HS6ST3: variants seen among roughly 807,000 people sequenced by gnomAD.
HS6ST3 encodes the protein heparan sulfate 6-O-sulfotransferase 3.
Under a neutral mutation model 36.7 loss-of-function variants are expected in HS6ST3, and 12 were observed. The ratio of observed to expected loss-of-function variants is 0.33; its 90% confidence interval spans 0.21 to 0.53. The LOEUF is 0.53. Ranked by LOEUF, HS6ST3 falls within the 20% of genes least tolerant of loss-of-function variation. The probability of loss-of-function intolerance (pLI) is 0.95; values close to 1 mark genes in which losing one functional copy is unlikely to be tolerated. For missense variants in HS6ST3, 584 were observed against 640.9 expected (o/e 0.91, Z 0.96); for synonymous variants, 240 against 257.5 (o/e 0.93, Z 0.65).
intron 1 of HS6ST3, among the ~76,000 whole-genome samples, chr13:96,528,591 A>C (rs2056123792): frequency 6.6e-6 from 1 of 152,338 alleles, no homozygotes; most frequent in African/African-American, 2.4e-5. Context: ...AATATCAAAA[A>C]TCATCTCTGG....
chr13:96,462,438 A>AC (rs1214209896), intron 1 of HS6ST3, among the ~76,000 whole-genome samples: 16 of 152,234 alleles, frequency 1.1e-4, no homozygotes, highest in African/African-American at 3.9e-4. Flanking sequence ...TGACTTGAAT[A>AC]ATTTGTGGCG....
chr13:96,323,439 C>T (rs1289688085), intron 1 of HS6ST3, among the ~76,000 whole-genome samples: 1 of 152,210 alleles, frequency 6.6e-6, no homozygotes, highest in African/African-American at 2.4e-5. Context: ...GCCACCTTCA[C>T]CACTACCCAC....
chr13:96,471,927 C>CT (rs1402802992), intron 1 of HS6ST3, among the ~76,000 whole-genome samples: 1 of 152,252 alleles, frequency 6.6e-6, no homozygotes, highest in East Asian at 1.9e-4. Context: ...CTCATTTTGG[C>CT]TGAGGTTGGT....
intron 1 of HS6ST3, among the ~76,000 whole-genome samples, chr13:96,153,379 C>T (rs1017255318): frequency 8.5e-5 from 13 of 152,182 alleles, no homozygotes; most frequent in South Asian, 4.2e-4. Context: ...CTGTGCAATG[C>T]GGGGGTATTT....
chr13:96,812,956 C>T (rs565758048), intron 1 of HS6ST3, among the ~76,000 whole-genome samples: 1 of 152,122 alleles, frequency 6.6e-6, no homozygotes, highest in Admixed American at 6.5e-5. Flanking sequence ...ATCATGAGAG[C>T]GTCTGAGGAC....
At chr13:96,140,604 G>T in intron 1 of HS6ST3, among the ~76,000 whole-genome samples, 1 of 152,178 alleles carries the variant, frequency 6.6e-6, no homozygotes, top group Non-Finnish European at 1.5e-5. Context: ...GAGGTCTGCA[G>T]ATATGGTTTC....
At chr13:96,382,733 A>G (rs1364827496) in intron 1 of HS6ST3, among the ~76,000 whole-genome samples, 1 of 152,190 alleles carries the variant, frequency 6.6e-6, no homozygotes, top group African/African-American at 2.4e-5. Flanking sequence ...ATACCAGTTA[A>G]TATTTCTCAC....
chr13:96,621,160 T>A (rs1370713739), intron 1 of HS6ST3, among the ~76,000 whole-genome samples: 1 of 152,208 alleles, frequency 6.6e-6, no homozygotes. Context: ...CTGTGACTCT[T>A]GTTCCATGTT....
At chr13:96,506,362 GA>G (rs2056026524) in intron 1 of HS6ST3, among the ~76,000 whole-genome samples, 1 of 152,070 alleles carries the variant, frequency 6.6e-6, no homozygotes, top group South Asian at 2.1e-4. Flanking sequence ...AATGAGTACT[GA>G]TTTTCAAAAA....
chr13:96,389,262 C>T (rs1383473030), intron 1 of HS6ST3, among the ~76,000 whole-genome samples: 1 of 151,806 alleles, frequency 6.6e-6, no homozygotes, highest in African/African-American at 2.4e-5. Context: ...TTTAGCTGTT[C>T]TTGTCATAAA....
intron 1 of HS6ST3, among the ~76,000 whole-genome samples, chr13:96,678,772 T>A (rs989794421): frequency 3.9e-5 from 6 of 152,074 alleles, no homozygotes; most frequent in African/African-American, 1.4e-4. Context: ...AATATAGAGT[T>A]GCTTAGATAT....
Position 96,244,352 on chromosome 13 carries a change from G to A in HS6ST3, c.707+152783G>A, listed in dbSNP as rs189607320. ...GACTTTATGCTAAAGTAAACATATC[G>A]CATCAAAACCAGTATTATAATTGAA... On this transcript the variant is annotated intron_variant, in intron 1 of 1. Coordinates refer to ENST00000376705, the MANE Select transcript of HS6ST3 (RefSeq NM_153456.4). Among the ~76,000 whole-genome samples the A allele has an allele frequency of 3.3e-5, 5 of 152,168 alleles. No homozygotes were observed. The East Asian group carries it at 7.7e-4, about 23-fold the overall frequency.
intron 1 of HS6ST3, among the ~76,000 whole-genome samples, chr13:96,524,323 C>T (rs1320929121): frequency 6.6e-6 from 1 of 152,168 alleles, no homozygotes; most frequent in East Asian, 1.9e-4. Context: ...GTCAGGGACC[C>T]ACTTGAGGAG....
intron 1 of HS6ST3, among the ~76,000 whole-genome samples, chr13:96,364,391 C>T (rs1241254491): frequency 6.6e-6 from 1 of 152,098 alleles, no homozygotes; most frequent in Non-Finnish European, 1.5e-5. Flanking sequence ...TATGGCATAG[C>T]ATATATCTAC....
At chr13:96,463,612 C>A (rs2055796235) in intron 1 of HS6ST3, among the ~76,000 whole-genome samples, 1 of 151,996 alleles carries the variant, frequency 6.6e-6, no homozygotes, top group South Asian at 2.1e-4. Flanking sequence ...TTTAACTTGA[C>A]CATATTAAAA....
chr13:96,111,011 A>T (rs1412045342), intron 1 of HS6ST3, among the ~76,000 whole-genome samples: 1 of 152,222 alleles, frequency 6.6e-6, no homozygotes, highest in African/African-American at 2.4e-5. Flanking sequence ...TGACTAGTAT[A>T]AAGATATACC....
At chr13:96,141,281 A>G (rs144887215) in intron 1 of HS6ST3, among the ~76,000 whole-genome samples, 387 of 152,210 alleles carry the variant, frequency 2.5e-3, no homozygotes, top group African/African-American at 9.0e-3. Context: ...TAAGAACTCT[A>G]TTTCAGGATT....
intron 1 of HS6ST3, among the ~76,000 whole-genome samples, chr13:96,110,440 G>GTT (rs370326936): frequency 1.1e-4 from 15 of 138,274 alleles, no homozygotes; most frequent in South Asian, 4.7e-4. Flanking sequence ...TTGTGTGTGT[G>GTT]TGTTTTTTTT....
intron 1 of HS6ST3, among the ~76,000 whole-genome samples, chr13:96,528,945 G>A (rs753528605): frequency 6.6e-5 from 10 of 151,904 alleles, no homozygotes; most frequent in Admixed American, 1.3e-4. Context: ...TTCAGATTTC[G>A]GGAGTAAGTT....
Sources: gnomAD v4.1 joint callset for allele counts (sites outside exome capture counted in the v4.1 genomes callset) on GRCh38, gnomAD v4.1.1 for gene constraint, MANE v1.5 for transcripts, NCBI Gene and HGNC (gene_info 2026-07-23, HGNC 2026-07-21) for gene names.